The following NUBPL variants were observed in gnomAD, a reference collection of about 807,000 sequenced individuals.
NUBPL encodes the protein iron-sulfur cluster transfer protein NUBPL.
NUBPL carries 31 observed loss-of-function variants against 45.7 expected under a neutral mutation model. The observed-to-expected ratio is 0.68, with a 90% CI of 0.51 to 0.92. The LOEUF (loss-of-function observed/expected upper bound fraction) is 0.92. NUBPL is among the 40% of genes least tolerant of loss of function. The probability of loss-of-function intolerance (pLI) is 0.00; values close to 1 mark genes in which losing one functional copy is unlikely to be tolerated. For missense variants in NUBPL, 401 were observed against 398.7 expected, an observed-to-expected ratio of 1.01 and a Z score of -0.05; for synonymous variants, 144 against 140.9, an observed-to-expected ratio of 1.02 and a Z score of -0.15.
chr14:31,782,307 A>G (rs1169754819), intron 6 of NUBPL, among the ~76,000 whole-genome samples: 1 of 152,150 alleles, frequency 6.6e-6, no homozygotes, highest in East Asian at 1.9e-4. Flanking sequence ...AGACCGGAGA[A>G]TTGCTTGAAC....
rs140399534 is a variant in NUBPL at position 31,860,903 on chromosome 14, G to A, written c.*1723G>A. On this transcript the variant is annotated 3_prime_UTR_variant, in exon 11 of 11. Transcript: ENST00000281081. ...AATTTAAAAAGGTTTTGTACCAAAA[G>A]ATTCCATTTATATAACGTTCTTGAA... 3.9e-5 allele frequency: 6 copies of A among 152,312 alleles called. No individual in the cohort carries two copies. The East Asian group carries it at 1.2e-3, about 29-fold the overall frequency. The allele number at this position is 152,312 out of a possible 1,614,324, so 9.4% of individuals were successfully genotyped here. A position where few individuals can be genotyped will look rare whatever the true frequency, so the allele number is the denominator to read the frequency against.
At chr14:31,822,521 C>T (rs903905215) in intron 7 of NUBPL, among the ~76,000 whole-genome samples, 6 of 152,026 alleles carry the variant, frequency 3.9e-5, no homozygotes, top group African/African-American at 1.4e-4. Flanking sequence ...ATGTACTATA[C>T]AGCAAAAGAG....
At chr14:31,622,553 G>T (rs369657948) in intron 4 of NUBPL, among the ~76,000 whole-genome samples, 15 of 152,236 alleles carry the variant, frequency 9.9e-5, no homozygotes, top group African/African-American at 3.6e-4. Context: ...GACTCCACTG[G>T]TCTTTGCAGC....
chr14:31,826,649 C>A lies in NUBPL; in HGVS notation c.628C>A (p.Pro210Thr). Reference sequence around the variant, plus strand: ...GCTAGGTGCTGTGATTGTCTCCACGCCCCAGGACATCGCATTGATGGATGC... The same window carrying A: ...GCTAGGTGCTGTGATTGTCTCCACGACCCAGGACATCGCATTGATGGATGC... ...PITGAVIVST[P>T]QDIALMDAHK... The change falls in exon 8 of 11, where the codon CCC becomes ACC. Residue 210 changes from proline to threonine, a missense_variant. Transcript: ENST00000281081. 1 of 1,614,076 alleles carries A rather than the reference C, an allele frequency of 6.2e-7. No individual in the cohort carries two copies. The highest frequency in any genetic ancestry group is 8.5e-7 in the Non-Finnish European group (1 of 1,179,948).
intron 7 of NUBPL, among the ~76,000 whole-genome samples, chr14:31,805,673 C>T (rs1424141161): frequency 1.3e-5 from 2 of 152,068 alleles, no homozygotes; most frequent in African/African-American, 2.4e-5. Context: ...AAAAACACCC[C>T]ATGTTCTCAC....
At chr14:31,722,120 C>A (rs1009268644) in intron 6 of NUBPL, among the ~76,000 whole-genome samples, 1 of 152,132 alleles carries the variant, frequency 6.6e-6, no homozygotes, top group Non-Finnish European at 1.5e-5. Flanking sequence ...CCTCAGCCTC[C>A]CGAGTAGCTG....
chr14:31,808,747 G>T (rs879844661), intron 7 of NUBPL, among the ~76,000 whole-genome samples: 1 of 152,202 alleles, frequency 6.6e-6, no homozygotes, highest in East Asian at 1.9e-4. Flanking sequence ...GATACTGGCT[G>T]TGGGTTTGTC....
At chr14:31,677,033 T>A (rs1035335182) in intron 6 of NUBPL, among the ~76,000 whole-genome samples, 3 of 152,054 alleles carry the variant, frequency 2.0e-5, no homozygotes, top group African/African-American at 7.2e-5. Context: ...TTTTTTAAAA[T>A]TCTTAATTTA....
intron 3 of NUBPL, among the ~76,000 whole-genome samples, chr14:31,573,400 G>A (rs528139539): frequency 2.0e-5 from 3 of 152,134 alleles, no homozygotes; most frequent in South Asian, 2.1e-4. Context: ...TCACCAGCTT[G>A]CATATCTCTC....
intron 4 of NUBPL, among the ~76,000 whole-genome samples, chr14:31,649,163 T>C (rs2035936131): frequency 6.6e-6 from 1 of 152,208 alleles, no homozygotes; most frequent in African/African-American, 2.4e-5. Context: ...GATTTTAATA[T>C]GAAAGATGTA....
At chr14:31,744,779 G>A (rs1459794895) in intron 6 of NUBPL, among the ~76,000 whole-genome samples, 2 of 151,670 alleles carry the variant, frequency 1.3e-5, no homozygotes, top group Non-Finnish European at 1.5e-5. Context: ...GCACCACCAC[G>A]CCCAGCTAAT....
intron 10 of NUBPL, among the ~76,000 whole-genome samples, chr14:31,850,702 C>G (rs2040525255): frequency 6.6e-6 from 1 of 152,048 alleles, no homozygotes; most frequent in African/African-American, 2.4e-5. Flanking sequence ...CTCACTGCAG[C>G]CTTGACTTCC....
intron 3 of NUBPL, among the ~76,000 whole-genome samples, chr14:31,567,971 T>G (rs759848741): frequency 1.2e-4 from 19 of 152,362 alleles, no homozygotes; most frequent in Middle Eastern, 6.8e-3. Context: ...CACCCTCTTT[T>G]GTTTTCTAGT....
At chr14:31,613,456 A>T (rs1220049872) in intron 4 of NUBPL, among the ~76,000 whole-genome samples, 1 of 145,888 alleles carries the variant, frequency 6.9e-6, no homozygotes, top group Non-Finnish European at 1.5e-5. Flanking sequence ...GTGTAATTGG[A>T]TTTTTTTTTT....
intron 7 of NUBPL, among the ~76,000 whole-genome samples, chr14:31,809,534 T>C (rs539536314): frequency 1.3e-5 from 2 of 152,308 alleles, no homozygotes; most frequent in African/African-American, 4.8e-5. Context: ...TTGCTAGCAG[T>C]CTGTCAATTT....
intron 6 of NUBPL, among the ~76,000 whole-genome samples, chr14:31,676,393 A>C (rs1346137787): frequency 6.6e-6 from 1 of 152,092 alleles, no homozygotes; most frequent in Non-Finnish European, 1.5e-5. Context: ...ATTGTTGCAT[A>C]TAATAGTAGT....
chr14:31,642,123 C>G lies in NUBPL; in HGVS notation c.383-31232C>G, dbSNP rs115837522. ...TAGTTTACAAATATTTTCTCTCATT[C>G]TGTGGGTGGTCTTTTCTCCTTGTTG... On this transcript the variant is annotated intron_variant, in intron 4 of 10. Coordinates refer to ENST00000281081, the MANE Select transcript of NUBPL (RefSeq NM_025152.3). Among the ~76,000 whole-genome samples the G allele has an allele frequency of 1.9e-3, 290 of 152,196 alleles. 3 individuals are homozygous for G. Among genetic ancestry groups the G allele is most frequent in the African/African-American group, 6.5e-3 (269 of 41,530 alleles).
chr14:31,699,940 T>A (rs4444241), intron 6 of NUBPL, among the ~76,000 whole-genome samples: 1 of 152,210 alleles, frequency 6.6e-6, no homozygotes, highest in Non-Finnish European at 1.5e-5. Context: ...CTTACCATAA[T>A]GAAATTTTAA....
intron 6 of NUBPL, among the ~76,000 whole-genome samples, chr14:31,701,195 G>A (rs2037329549): frequency 6.6e-6 from 1 of 152,088 alleles, no homozygotes; most frequent in African/African-American, 2.4e-5. Flanking sequence ...GCACCAGTCA[G>A]CACTCTGTGT....
Sources: allele counts gnomAD v4.1 joint callset (sites outside exome capture counted in the v4.1 genomes callset), GRCh38; gene constraint gnomAD v4.1.1; transcripts MANE v1.5; gene names NCBI Gene and HGNC (gene_info 2026-07-23, HGNC 2026-07-21).